ZNF254: variants seen among roughly 807,000 people sequenced by gnomAD.
ZNF254 encodes CTD-2017D11.1.
ZNF254 carries 10 observed loss-of-function variants against 12.4 expected under a neutral mutation model. The ratio of observed to expected loss-of-function variants is 0.80; its 90% CI spans 0.50 to 1.36. ZNF254 has a LOEUF of 1.36. Among genes scored for constraint, ZNF254 ranks in the 40% most tolerant of loss-of-function variants. The pLI is 0.00. For synonymous variants in ZNF254, 305 were observed against 253.4 expected, an observed-to-expected ratio of 1.20 and a Z score of -1.93; for missense variants, 996 against 763.9, an observed-to-expected ratio of 1.30 and a Z score of -3.58.
At chr19:24,041,155 A>G (rs1464392347) in intron 1 of ZNF254, among the ~76,000 whole-genome samples, 6 of 152,268 alleles carry the variant, frequency 3.9e-5, no homozygotes, top group Non-Finnish European at 1.5e-5. Flanking sequence ...GCGTGCTGGC[A>G]GTCCTCAGAG....
Position 24,087,232 on chromosome 19 carries a change from G to A in ZNF254, c.-76G>A, listed in dbSNP as rs1240728457. On this transcript the variant is annotated 5_prime_UTR_variant, in exon 1 of 4. Coordinates refer to ENST00000357002, the MANE Select transcript of ZNF254 (RefSeq NM_203282.4). ...CCGGAGTCCCAGGTCTGTCTTCACT[G>A]CTCTGTGTCCTCTGCTCCTAGAGGC... 3 of 1,600,878 alleles carry A rather than the reference G, an allele frequency of 1.9e-6. No individual in the cohort carries two copies. Among genetic ancestry groups the A allele is most frequent in the South Asian group, 2.2e-5 (2 of 90,874 alleles).
chr19:24,069,626 AAG>A (rs1369950182), intron 2 of ZNF254, among the ~76,000 whole-genome samples: 2 of 148,810 alleles, frequency 1.3e-5, no homozygotes, highest in African/African-American at 2.5e-5. Flanking sequence ...AAAAAAAAAA[AAG>A]AATATTCTGC....
At chr19:24,103,340 A>G (rs1388139313) in intron 1 of ZNF254, among the ~76,000 whole-genome samples, 1 of 152,210 alleles carries the variant, frequency 6.6e-6, no homozygotes, top group Non-Finnish European at 1.5e-5. Flanking sequence ...TAGAACACCC[A>G]TTTATGGACC....
At chr19:24,100,682 C>CTTTT (rs201165548) in intron 1 of ZNF254, among the ~76,000 whole-genome samples, 1 of 133,498 alleles carries the variant, frequency 7.5e-6, no homozygotes, top group Admixed American at 7.5e-5. Flanking sequence ...GTCTCTCTCT[C>CTTTT]TTTTTTTTTT....
chr19:24,120,046 G>T (rs1408658330), intron 3 of ZNF254, among the ~76,000 whole-genome samples: 1 of 152,092 alleles, frequency 6.6e-6, no homozygotes, highest in African/African-American at 2.4e-5. Flanking sequence ...ATTTACAAAA[G>T]AAAGAGGTTT....
Position 24,060,378 on chromosome 19 carries a change from G to A in ZNF254, c.-94+14099G>A, listed in dbSNP as rs150879857. Among the ~76,000 whole-genome samples the A allele has an allele frequency of 2.1e-3, 312 of 152,086 alleles. 2 individuals are homozygous for A. The highest frequency in any genetic ancestry group is 7.3e-3 in the African/African-American group (301 of 41,484). On this transcript the variant is annotated intron_variant, in intron 2 of 4. Transcript: ENST00000613065. ...CTAACACATCACTAGGCCCATCAGC[G>A]AAATTATTTTGCCTGGCCCTGCCCT...
chr19:24,125,154 T>A (rs1344465138), intron 3 of ZNF254, among the ~76,000 whole-genome samples: 1 of 152,102 alleles, frequency 6.6e-6, no homozygotes, highest in Non-Finnish European at 1.5e-5. Flanking sequence ...ATTGTGCTTA[T>A]GTATGTGTTT....
At chr19:24,059,401 T>G (rs1446990751) in intron 2 of ZNF254, among the ~76,000 whole-genome samples, 1 of 152,162 alleles carries the variant, frequency 6.6e-6, no homozygotes, top group Non-Finnish European at 1.5e-5. Flanking sequence ...TGCTTACAGG[T>G]GTGATTGTGA....
intron 1 of ZNF254, chr19:24,091,865 T>C (rs1475792259): frequency 1.6e-5 from 16 of 978,916 alleles, no homozygotes; most frequent in Non-Finnish European, 1.9e-5. Flanking sequence ...CTCCTAGAAG[T>C]GTTCCTATGT....
At chr19:24,115,559 G>T (rs1160803281) in intron 3 of ZNF254, among the ~76,000 whole-genome samples, 1 of 151,822 alleles carries the variant, frequency 6.6e-6, no homozygotes, top group East Asian at 1.9e-4. Flanking sequence ...AGCATTGGGA[G>T]ATATACCTAG....
upstream of ZNF254, chr19:24,087,083 G>A (rs1361145192): frequency 1.7e-5 from 9 of 517,890 alleles, 1 homozygote; most frequent in Non-Finnish European, 3.2e-5. Flanking sequence ...CAGGGTCTGA[G>A]TAGGCGGGGC....
rs1975103975 is a variant in ZNF254, at chr19:24,129,549, ATT to A, written c.*1571_*1572del. ...GTTAAATTTTTATTCTTATTTTCAC[ATT>A]TAAATTTATTTTTCTTAATTTTTGT... On this transcript the variant is annotated 3_prime_UTR_variant, in exon 4 of 4. Coordinates refer to ENST00000357002, the MANE Select transcript of ZNF254 (RefSeq NM_203282.4). 6.6e-6 allele frequency: 1 copy of A among 151,920 alleles called. No individual in the cohort carries two copies. Among genetic ancestry groups the A allele is most frequent in the Non-Finnish European group, 1.5e-5 (1 of 67,918 alleles). The allele number at this position is 151,920 out of a possible 1,614,324, so 9.4% of individuals were successfully genotyped here. A position where few individuals can be genotyped will look rare whatever the true frequency, so the allele number is the denominator to read the frequency against.
intron 3 of ZNF254, among the ~76,000 whole-genome samples, chr19:24,113,602 G>A (rs1973844810): frequency 6.6e-6 from 1 of 152,114 alleles, no homozygotes; most frequent in Admixed American, 6.6e-5. Flanking sequence ...AAAACTGGAA[G>A]CATTCCCTTT....
chr19:24,087,431 C>G, intron 1 of ZNF254, 94 bp downstream of exon 1: 1 of 1,521,092 alleles, frequency 6.6e-7, no homozygotes, highest in African/African-American at 1.4e-5. Context: ...TCCCCCCAGT[C>G]AGCTCCACAA....
intron 1 of ZNF254, among the ~76,000 whole-genome samples, chr19:24,099,174 TTC>T (rs891522262): frequency 1.1e-4 from 17 of 147,958 alleles, no homozygotes; most frequent in African/African-American, 2.5e-4. Context: ...TTTTTTTTTT[TTC>T]TTGTATTTTT....
At position 24,126,258 on chromosome 19, in the gene ZNF254, G is replaced by C; in HGVS notation, c.258G>C (p.Met86Ile). The C allele has an allele frequency of 2.0e-6, 3 of 1,469,552 alleles. No homozygotes were observed. The highest frequency in any genetic ancestry group is 2.7e-6 in the Non-Finnish European group (3 of 1,110,444). 91.0% of individuals were successfully genotyped at this position (1,469,552 alleles called of 1,614,324 possible). A position where few individuals can be genotyped will look rare whatever the true frequency, so the allele number is the denominator to read the frequency against. ...RHEMVDEPPG[M>I]CPHFAQDLWP... is the part of the protein sequence containing the mutation. ...TTATTTTTATTTTTTTTTCAGGTAT[G>C]TGTCCTCATTTTGCTCAAGACCTTT... is the stretch of plus-strand genomic sequence containing the variant. Residue 86 changes from methionine (M) to isoleucine (I), a missense_variant, in exon 4 of 4, where the codon ATG becomes ATC. Met to Ile is a conservative substitution (Grantham distance 10). Coordinates refer to ENST00000357002, the MANE Select transcript of ZNF254 (RefSeq NM_203282.4).
At chr19:24,081,932 G>C (rs553858064) in intron 2 of ZNF254, among the ~76,000 whole-genome samples, 2 of 152,276 alleles carry the variant, frequency 1.3e-5, no homozygotes, top group Admixed American at 6.5e-5. Context: ...AGACCAGCCT[G>C]GCTAACATGG....
At chr19:24,041,581 A>G (rs1220001920) in intron 1 of ZNF254, among the ~76,000 whole-genome samples, 3 of 152,230 alleles carry the variant, frequency 2.0e-5, no homozygotes, top group East Asian at 1.9e-4. Flanking sequence ...GCAGCCCGCC[A>G]TGCCTGAGCC....
rs751284902 is a variant in ZNF254, at chr19:24,126,400, G to A, written c.400G>A (p.Val134Met). The change falls in exon 4 of 4, where the codon GTG (valine) becomes ATG (methionine). Residue 134 changes from valine (V) to methionine (M), a missense_variant. Physicochemically the swap from Val to Met is conservative, Grantham distance 21. Transcript: ENST00000357002. Reference protein sequence around the residue: ...KGCKSVDEYKVNKEGYNGLNQ... With the variant: ...KGCKSVDEYKMNKEGYNGLNQ... ...CTGTAAAAGTGTGGATGAGTATAAG[G>A]TGAACAAAGAAGGTTATAATGGACT... 5 of 1,607,632 alleles carry A rather than the reference G, an allele frequency of 3.1e-6. No homozygotes were observed. Among genetic ancestry groups the A allele is most frequent in the Admixed American group, 3.4e-5 (2 of 58,312 alleles).
Sources: gnomAD v4.1 joint callset for allele counts (sites outside exome capture counted in the v4.1 genomes callset) on GRCh38, gnomAD v4.1.1 for gene constraint, MANE v1.5 for transcripts, NCBI Gene and HGNC (gene_info 2026-07-23, HGNC 2026-07-21) for gene names.